Variants in MAP4 observed in about 807,000 individuals in gnomAD.
MAP4 encodes microtubule-associated protein 4.
MAP4 carries 76 observed loss-of-function variants against 170.2 expected under a neutral mutation model. That is an observed-to-expected ratio of 0.45 (90% confidence interval 0.37 to 0.54). MAP4 has a LOEUF of 0.54. Among genes scored for constraint, MAP4 ranks in the 20% least tolerant of loss-of-function variants. The probability of loss-of-function intolerance (pLI) is 0.00; values close to 1 mark genes in which losing one functional copy is unlikely to be tolerated. For missense variants in MAP4, 2,506 were observed against 2,748.0 expected (o/e 0.91, Z 1.97); for synonymous variants, 909 against 994.5 (o/e 0.91, Z 1.62).
chr3:47,862,435 ATTATCTTATT>A (rs1422442557), intron 17 of MAP4, among the ~76,000 whole-genome samples: 3 of 142,184 alleles, frequency 2.1e-5, no homozygotes, highest in Non-Finnish European at 4.6e-5. Context: ...TATAGCTTGT[ATTATCTTATT>A]AGTGTTACTA....
intron 4 of MAP4, among the ~76,000 whole-genome samples, chr3:47,925,724 G>A (rs1201241979): frequency 1.3e-5 from 2 of 152,182 alleles, no homozygotes; most frequent in Non-Finnish European, 2.9e-5. Context: ...GGTTGCAGTG[G>A]ATAGGGAGAT....
intron 10 of MAP4, among the ~76,000 whole-genome samples, chr3:47,880,791 G>GTTGGTTTTATGACCCAAGATCCATC (rs1165750660): frequency 6.6e-6 from 1 of 152,220 alleles, no homozygotes; most frequent in African/African-American, 2.4e-5. Context: ...ATTGATTCAA[G>GTTGGTTTTATGACCCAAGATCCATC]TTGGTTTTAT....
chr3:48,016,869 T>C (rs1338914949), upstream of MAP4, among the ~76,000 whole-genome samples: 1 of 151,816 alleles, frequency 6.6e-6, no homozygotes, highest in Non-Finnish European at 1.5e-5. Context: ...CTCCGCCTCC[T>C]GGGTTCAAGT....
intron 3 of MAP4, 94 bp from the exon 4 acceptor site, chr3:47,928,444 T>C: frequency 3.9e-6 from 5 of 1,282,000 alleles, no homozygotes; most frequent in Non-Finnish European, 5.4e-6. Flanking sequence ...GCTAGTACAA[T>C]ATAAAAAATC....
chr3:48,021,712 A>G (rs986368405), intron 1 of MAP4, among the ~76,000 whole-genome samples: 1 of 152,202 alleles, frequency 6.6e-6, no homozygotes, highest in African/African-American at 2.4e-5. Flanking sequence ...ATCAAACTGA[A>G]AAGTTGATCC....
chr3:47,974,554 A>C (rs1284179664), intron 3 of MAP4: 1 of 974,474 alleles, frequency 1.0e-6, no homozygotes, highest in East Asian at 1.1e-4. Flanking sequence ...AGAAAACTTT[A>C]AAGTATTTCA....
chr3:48,070,738 C>T (rs769089227), intron 1 of MAP4, among the ~76,000 whole-genome samples: 18 of 151,558 alleles, frequency 1.2e-4, no homozygotes, highest in Non-Finnish European at 2.4e-4. Flanking sequence ...TGGTGGCTCA[C>T]ACCTGTAATC....
intron 10 of MAP4, among the ~76,000 whole-genome samples, chr3:47,894,643 T>C (rs2100025833): frequency 6.6e-6 from 1 of 151,888 alleles, no homozygotes; most frequent in Non-Finnish European, 1.5e-5. Flanking sequence ...GCCTTGGTAA[T>C]ACAACATAGT....
intron 1 of MAP4, among the ~76,000 whole-genome samples, chr3:48,059,332 T>G (rs1013581135): frequency 1.3e-5 from 2 of 151,090 alleles, no homozygotes; most frequent in African/African-American, 4.9e-5. Context: ...CTGGGCAACA[T>G]GGTGAAACCC....
rs1203106965 is a variant in MAP4, at chr3:47,855,042, G to A, written c.6696+206C>T. 8 of 551,798 alleles carry A rather than the reference G, an allele frequency of 1.4e-5. No individual in the cohort carries two copies. The highest frequency in any genetic ancestry group is 2.6e-5 in the Non-Finnish European group (8 of 305,868). 34.2% of individuals were successfully genotyped at this position (551,798 alleles called of 1,614,324 possible). A position where few individuals can be genotyped will look rare whatever the true frequency, so the allele number is the denominator to read the frequency against. On this transcript the variant is annotated intron_variant, in intron 19 of 20. Transcript: ENST00000683076. The surrounding 1 kb of genome is among the most constrained non-coding windows in gnomAD (Gnocchi z 5.1). ...AAGGTTCTGCCTCCAGCTGACAGGT[G>A]AGGGGTGGCTGGGCTGGGGCCTCTT...
At chr3:47,955,779 G>A (rs1206208749) in intron 3 of MAP4, among the ~76,000 whole-genome samples, 1 of 152,150 alleles carries the variant, frequency 6.6e-6, no homozygotes, top group African/African-American at 2.4e-5. Context: ...AGTTTAGAGT[G>A]GGTTTCAGAG....
At chr3:48,010,615 A>T (rs2100104737) in intron 1 of MAP4, among the ~76,000 whole-genome samples, 1 of 152,138 alleles carries the variant, frequency 6.6e-6, no homozygotes, top group Admixed American at 6.5e-5. Context: ...CAAGGAGTGG[A>T]CTTGTAATGT....
At chr3:48,060,994 G>A (rs1463381539) in intron 1 of MAP4, among the ~76,000 whole-genome samples, 3 of 151,850 alleles carry the variant, frequency 2.0e-5, no homozygotes, top group African/African-American at 4.8e-5. Context: ...ACAGGTACCC[G>A]CCACCACGCC....
chr3:48,002,044 A>G lies in MAP4; in HGVS notation c.-19-3165T>C, dbSNP rs371056368. Among the ~76,000 whole-genome samples the G allele has an allele frequency of 1.9e-4, 29 of 152,164 alleles. No individual in the cohort carries two copies. In the East Asian group the frequency reaches 5.0e-3, roughly 26 times the overall value. On this transcript the variant is annotated intron_variant, in intron 1 of 20. Coordinates refer to ENST00000683076, the MANE Select transcript of MAP4 (RefSeq NM_001385682.1). Reference sequence around the variant, plus strand: ...TTTAGGTCTCAAAAAATGTCAAAAGATACGTGTGACCCAGATGTGGTGGCA... The same window carrying G: ...TTTAGGTCTCAAAAAATGTCAAAAGGTACGTGTGACCCAGATGTGGTGGCA...
At chr3:47,930,946 A>G (rs1377836977) in intron 3 of MAP4, among the ~76,000 whole-genome samples, 1 of 151,760 alleles carries the variant, frequency 6.6e-6, no homozygotes, top group Non-Finnish European at 1.5e-5. Flanking sequence ...AAAAAAAAAA[A>G]TTGGCTAAAT....
chr3:47,909,552 A>G lies in MAP4; in HGVS notation c.4869T>C (p.Pro1623=). The change falls in exon 9 of 21, where the codon CCT becomes CCC. Residue 1623 remains proline (P), a synonymous_variant. Transcript: ENST00000683076. ...TKEGSVAVQI[P]DLLEDKAQKL... ...TTTGTGCTTTGTCTTCCAGTAAGTC[A>G]GGAATCTGAACTGCAACAGACCCTT... is the stretch of plus-strand genomic sequence containing the variant. 6.2e-7 allele frequency: 1 copy of G among 1,612,604 alleles called. No individual in the cohort carries two copies. The highest frequency in any genetic ancestry group is 8.5e-7 in the Non-Finnish European group (1 of 1,179,886).
chr3:47,858,971 AC>A (rs1451997417), intron 17 of MAP4, among the ~76,000 whole-genome samples: 1 of 152,106 alleles, frequency 6.6e-6, no homozygotes, highest in Admixed American at 6.5e-5. Context: ...TACTAAAAAT[AC>A]AAAAAAAATT....
chr3:48,005,897 A>G (rs1320907255), intron 1 of MAP4, among the ~76,000 whole-genome samples: 5 of 152,232 alleles, frequency 3.3e-5, no homozygotes, highest in East Asian at 3.8e-4. Flanking sequence ...CTGGATCCCA[A>G]GGTGGCAGGG....
In MAP4 at chr3:47,930,989, T is replaced by A. The variant is rs568104639; in HGVS notation, c.293-2639A>T. Among the ~76,000 whole-genome samples, 3 of 150,326 alleles carry A rather than the reference T, an allele frequency of 2.0e-5. No individual in the cohort carries two copies. The East Asian group carries it at 5.9e-4, about 29-fold the overall frequency. The stretch of plus-strand genomic sequence containing the variant: ...TAGACATTTTACCAAAGAAAATATA[T>A]AATGCGTAATATGCACATGAATGAA... On this transcript the variant is annotated intron_variant, in intron 3 of 20. Transcript: ENST00000683076.
Sources: gnomAD v4.1 joint callset for allele counts (sites outside exome capture counted in the v4.1 genomes callset) on GRCh38, gnomAD v4.1.1 for gene constraint, Gnocchi (gnomAD v3.1) non-coding constraint, MANE v1.5 for transcripts, NCBI Gene and HGNC (gene_info 2026-07-23, HGNC 2026-07-21) for gene names.